PRKN: variants seen among roughly 807,000 people sequenced by gnomAD.
PRKN encodes the protein E3 ubiquitin-protein ligase parkin.
PRKN carries 56 observed loss-of-function variants against 59.5 expected under a neutral mutation model. That is an observed-to-expected ratio of 0.94 (90% CI 0.76 to 1.18). The LOEUF is 1.18. Ranked by LOEUF, PRKN falls within the 50% of genes most tolerant of loss-of-function variation. The pLI is 0.00. For missense variants in PRKN, 657 were observed against 596.4 expected, an observed-to-expected ratio of 1.10 and a Z score of -1.06; for synonymous variants, 250 against 222.1, an observed-to-expected ratio of 1.13 and a Z score of -1.12.
intron 1 of PRKN, among the ~76,000 whole-genome samples, chr6:162,597,160 G>T (rs183623249): frequency 6.6e-6 from 1 of 152,056 alleles, no homozygotes; most frequent in Non-Finnish European, 1.5e-5. Context: ...AACCTCTATG[G>T]AAATGGACAA....
intron 4 of PRKN, among the ~76,000 whole-genome samples, chr6:162,124,900 A>G (rs1781060299): frequency 6.6e-6 from 1 of 152,198 alleles, no homozygotes; most frequent in Non-Finnish European, 1.5e-5. Context: ...TCATGGAAGA[A>G]TGACTAAGAA....
In PRKN at chr6:162,626,686, C is replaced by T. The variant is rs139489542; in HGVS notation, c.7+100976G>A. Among the ~76,000 whole-genome samples, 746 of 151,666 alleles carry T rather than the reference C, an allele frequency of 4.9e-3. 5 individuals carry two copies. The highest frequency in any genetic ancestry group is 0.017 in the African/African-American group (711 of 41,362). On this transcript the variant is annotated intron_variant, in intron 1 of 11. Transcript: ENST00000366898. ...AAAAATAGCTGGGCCTGGTAGTGGG[C>T]GCCTGTAATCCCAGCTACTTTGGAG...
intron 4 of PRKN, among the ~76,000 whole-genome samples, chr6:162,198,294 C>T (rs1177588340): frequency 6.6e-6 from 1 of 151,980 alleles, no homozygotes; most frequent in African/African-American, 2.4e-5. Context: ...ACATCCCTCC[C>T]AGGATGCTGG....
intron 7 of PRKN, among the ~76,000 whole-genome samples, chr6:161,666,512 AG>A (rs1177263343): frequency 6.6e-6 from 1 of 152,202 alleles, no homozygotes; most frequent in East Asian, 1.9e-4. Context: ...CCACTGCCAT[AG>A]GACCTTTGGT....
rs1014546936 is a variant in PRKN at position 161,417,639 on chromosome 6, A to C, written c.1084-30762T>G. Among the ~76,000 whole-genome samples, 7 of 152,150 alleles carry C rather than the reference A, an allele frequency of 4.6e-5. No homozygotes were observed. Among genetic ancestry groups the C allele is most frequent in the Non-Finnish European group, 7.3e-5 (5 of 68,028 alleles). On this transcript the variant is annotated intron_variant, in intron 9 of 11. Transcript: ENST00000366898. The surrounding 1 kb of genome is among the most constrained non-coding windows in gnomAD (Gnocchi z 5.4). ...ACATCTATTGTTTCCTGTAATTGTC[A>C]CAGCAGTACTCAATACACACATTTT... is the stretch of plus-strand genomic sequence containing the variant.
chr6:162,464,446 C>A (rs1791319998), intron 1 of PRKN, among the ~76,000 whole-genome samples: 1 of 151,956 alleles, frequency 6.6e-6, no homozygotes, highest in African/African-American at 2.4e-5. Flanking sequence ...TTTAAAAATT[C>A]TAAAGTTTTC....
chr6:162,458,795 T>C (rs1288999703), intron 1 of PRKN, among the ~76,000 whole-genome samples: 1 of 151,974 alleles, frequency 6.6e-6, no homozygotes, highest in African/African-American at 2.4e-5. Flanking sequence ...TTGAGTAAAA[T>C]AAAAGAAGAG....
chr6:161,995,391 A>T (rs1320665523), intron 5 of PRKN, among the ~76,000 whole-genome samples: 1 of 150,936 alleles, frequency 6.6e-6, no homozygotes, highest in Non-Finnish European at 1.5e-5. Flanking sequence ...TCAAAAGCAC[A>T]GGCAATAAAA....
intron 5 of PRKN, among the ~76,000 whole-genome samples, chr6:162,029,445 G>A (rs1362979371): frequency 6.6e-6 from 1 of 152,088 alleles, no homozygotes; most frequent in Non-Finnish European, 1.5e-5. Flanking sequence ...TCACATCCTT[G>A]TATTTCCCAC....
intron 4 of PRKN, among the ~76,000 whole-genome samples, chr6:162,166,335 G>A (rs1782989171): frequency 6.6e-6 from 1 of 152,152 alleles, no homozygotes; most frequent in African/African-American, 2.4e-5. Flanking sequence ...TTAGAAGGCA[G>A]AAATTGTGGT....
intron 9 of PRKN, among the ~76,000 whole-genome samples, chr6:161,519,054 C>A (rs1778721864): frequency 6.6e-6 from 1 of 152,124 alleles, no homozygotes; most frequent in South Asian, 2.1e-4. Flanking sequence ...CTTGTAACAC[C>A]CAGAGACAAT....
chr6:161,655,913 C>T (rs973975732), intron 7 of PRKN, among the ~76,000 whole-genome samples: 1 of 125,666 alleles, frequency 8.0e-6, no homozygotes, highest in East Asian at 2.2e-4. Context: ...CACACACACA[C>T]ACACGGTCAT....
intron 4 of PRKN, among the ~76,000 whole-genome samples, chr6:162,156,989 T>C (rs1782542090): frequency 3.6e-5 from 2 of 56,314 alleles, no homozygotes; most frequent in South Asian, 1.5e-3. Flanking sequence ...TGAATACCTG[T>C]ATACATCAAT....
At chr6:161,647,790 A>G (rs1442169076) in intron 7 of PRKN, among the ~76,000 whole-genome samples, 1 of 152,228 alleles carries the variant, frequency 6.6e-6, no homozygotes, top group African/African-American at 2.4e-5. Context: ...GTGTCACAGA[A>G]GTGCTTTTAG....
At chr6:162,159,486 C>A (rs1782666238) in intron 4 of PRKN, among the ~76,000 whole-genome samples, 1 of 152,104 alleles carries the variant, frequency 6.6e-6, no homozygotes, top group Admixed American at 6.6e-5. Flanking sequence ...GTAAGCATGT[C>A]TTTTACAAGT....
intron 6 of PRKN, among the ~76,000 whole-genome samples, chr6:161,899,270 C>A (rs555549651): frequency 1.3e-4 from 20 of 152,316 alleles, no homozygotes; most frequent in African/African-American, 4.8e-4. Context: ...AAACATCTTT[C>A]AGTATGTTCC....
In PRKN at chr6:161,502,242, ACTC is replaced by A. The variant is rs1046979430; in HGVS notation, c.1083+46609_1083+46611del. 1.3e-5 allele frequency among the ~76,000 whole-genome samples: 2 copies of A among 152,032 alleles called. No individual in the cohort carries two copies. The highest frequency in any genetic ancestry group is 4.8e-5 in the African/African-American group (2 of 41,370). On this transcript the variant is annotated intron_variant, in intron 9 of 11. Coordinates refer to ENST00000366898, the MANE Select transcript of PRKN (RefSeq NM_004562.3). This position sits in a 1 kb window ranked among gnomAD's most constrained non-coding sequence, Gnocchi z 4.0. ...GTTTGCACTCTTTGGGAGAGGCACT[ACTC>A]CTATCCCTATGTTATAGCTGAGGAC... is the stretch of plus-strand genomic sequence containing the variant.
At chr6:162,235,413 A>C (rs764739475) in intron 3 of PRKN, among the ~76,000 whole-genome samples, 13 of 152,206 alleles carry the variant, frequency 8.5e-5, no homozygotes, top group African/African-American at 1.7e-4. Context: ...TGGACAAATG[A>C]TGTTATAGCT....
intron 9 of PRKN, among the ~76,000 whole-genome samples, chr6:161,493,805 G>A (rs146788727): frequency 6.6e-6 from 1 of 152,338 alleles, no homozygotes; most frequent in East Asian, 1.9e-4. Flanking sequence ...CAGAGGAGAT[G>A]TTTTCTGTCA....
Sources: allele counts gnomAD v4.1 joint callset (sites outside exome capture counted in the v4.1 genomes callset), GRCh38; gene constraint gnomAD v4.1.1; non-coding constraint Gnocchi (gnomAD v3.1); transcripts MANE v1.5; gene names NCBI Gene and HGNC (gene_info 2026-07-23, HGNC 2026-07-21).